The following ARHGAP45 variants were observed in gnomAD, a reference collection of about 807,000 sequenced individuals.
The protein encoded by ARHGAP45 is Rho GTPase activating protein 45, also known as rho GTPase-activating protein 45.
Under a neutral mutation model 116.1 loss-of-function variants are expected in ARHGAP45, and 56 were observed. The observed-to-expected ratio is 0.48, with a 90% CI of 0.39 to 0.60. ARHGAP45 has a LOEUF of 0.60. ARHGAP45 is among the 20% of genes least tolerant of loss of function. The probability of loss-of-function intolerance (pLI) is 0.00; values close to 1 mark genes in which losing one functional copy is unlikely to be tolerated. For synonymous variants in ARHGAP45, 866 were observed against 701.7 expected (o/e 1.23, Z -3.70); for missense variants, 1,622 against 1,601.0 (o/e 1.01, Z -0.22).
chr19:1,071,324 C>A lies in ARHGAP45; in HGVS notation c.422-1825C>A. On this transcript the variant is annotated intron_variant, in intron 2 of 22. Transcript: ENST00000313093. The surrounding 1 kb of genome is among the most constrained non-coding windows in gnomAD (Gnocchi z 4.6). ...GCGGGACGGCGCACCCGGTGCTGGA[C>A]GAGGGCCCCGTGCGCTGCCGGGCGG... is the stretch of plus-strand genomic sequence containing the variant. 2 of 1,418,180 alleles carry A rather than the reference C, an allele frequency of 1.4e-6. No individual in the cohort carries two copies. Among genetic ancestry groups the A allele is most frequent in the South Asian group, 1.4e-5 (1 of 70,644 alleles). The allele number at this position is 1,418,180 out of a possible 1,614,324, so 87.8% of individuals were successfully genotyped here.
chr19:1,066,088 C>A (rs1267333169), upstream of ARHGAP45: 2 of 1,535,596 alleles, frequency 1.3e-6, no homozygotes, highest in Admixed American at 3.9e-5. Flanking sequence ...GGACCTGGGC[C>A]TGGAGAGCCA....
At chr19:1,076,758 A>C (rs1003338512) in intron 10 of ARHGAP45, among the ~76,000 whole-genome samples, 2 of 151,746 alleles carry the variant, frequency 1.3e-5, no homozygotes, top group African/African-American at 2.4e-5. Context: ...TGTCCTTCCA[A>C]AGTGCTGGAA....
At position 1,082,978 on chromosome 19, in the gene ARHGAP45, G is replaced by C. The variant is rs34569196; in HGVS notation, c.2656G>C (p.Ala886Pro). The part of the protein sequence containing the change: ...DGSESEAVAV[A>P]LAGRLRELLR... ...CTCGGAGAGCGAGGCAGTGGCGGTG[G>C]CCCTGGCAGGTCGGCTGCGGGAGCT... Residue 886 changes from alanine (A) to proline (P), a missense_variant, in exon 20 of 23, where the codon GCC becomes CCC. Ala to Pro is a conservative substitution (Grantham distance 27, BLOSUM62 -1). Transcript: ENST00000313093. The C allele has an allele frequency of 6.0e-4, 934 of 1,555,778 alleles. 2 individuals are homozygous for C. In the African/African-American group the frequency reaches 0.011, roughly 18 times the overall value.
chr19:1,073,155 T>C lies in ARHGAP45; in HGVS notation c.428T>C (p.Leu143Pro), dbSNP rs1175140417. 6 of 1,606,422 alleles carry C rather than the reference T, an allele frequency of 3.7e-6. No homozygotes were observed. Among genetic ancestry groups the C allele is most frequent in the Non-Finnish European group, 4.2e-6 (5 of 1,179,802 alleles). ...CTCCGACTCTCCCCAGCAGACCTCC[T>C]TGAGGCCCGCCGCCCGCGGGCCCAC... ...LKECVLRDDL[L>P]EARRPRAHEC... The change falls in exon 3 of 23, where the codon CTT (leucine) becomes CCT (proline). Residue 143 changes from leucine (L) to proline (P), a missense_variant. Transcript: ENST00000313093.
rs1475145043 is a variant in ARHGAP45 at position 1,071,346 on chromosome 19, G to A, written c.422-1803G>A. On this transcript the variant is annotated intron_variant, in intron 2 of 22. Coordinates refer to ENST00000313093, the MANE Select transcript of ARHGAP45 (RefSeq NM_012292.5). This position sits in a 1 kb window ranked among gnomAD's most constrained non-coding sequence, Gnocchi z 4.6. ...GGACGAGGGCCCCGTGCGCTGCCGG[G>A]CGGGCCCCCGAGGTGAGGGGACAGG... 27 of 1,352,660 alleles carry A rather than the reference G, an allele frequency of 2.0e-5. No individual in the cohort carries two copies. The highest frequency in any genetic ancestry group is 2.5e-5 in the Non-Finnish European group (26 of 1,057,556). 83.8% of individuals were successfully genotyped at this position (1,352,660 alleles called of 1,614,324 possible). A position where few individuals can be genotyped will look rare whatever the true frequency, so the allele number is the denominator to read the frequency against.
At chr19:1,066,951 G>T (rs1337595505), upstream of ARHGAP45, among the ~76,000 whole-genome samples, 2 of 152,128 alleles carry the variant, frequency 1.3e-5, no homozygotes, top group East Asian at 3.9e-4. Context: ...GTGGAGGTCC[G>T]GGTCTCTGCG....
rs2043198107 is a variant in ARHGAP45 at position 1,074,400 on chromosome 19, T to C, written c.986T>C (p.Met329Thr). The C allele has an allele frequency of 6.4e-7, 1 of 1,566,580 alleles. No homozygotes were observed. The highest frequency in any genetic ancestry group is 8.7e-7 in the Non-Finnish European group (1 of 1,154,902). ...KIAHNCRQSVMQEPHMPLLSI... is the reference protein window; with the variant it reads ...KIAHNCRQSVTQEPHMPLLSI... The stretch of plus-strand genomic sequence containing the variant: ...GCTCACAACTGCAGACAGAGCGTCA[T>C]GCAGGAGGTGGGGGCCCCGCGGGCA... Residue 329 changes from methionine (M) to threonine (T), a missense_variant, in exon 8 of 23, where the codon ATG becomes ACG. Transcript: ENST00000313093.
At chr19:1,066,425 T>G (rs2043032632), upstream of ARHGAP45, 1 of 525,698 alleles carries the variant, frequency 1.9e-6, no homozygotes, top group Non-Finnish European at 3.4e-6. Context: ...GTCACTGGAA[T>G]GCAGCTTGGG....
chr19:1,081,204 G>A (rs938744130), intron 17 of ARHGAP45, 140 bp downstream of exon 17: 6 of 980,846 alleles, frequency 6.1e-6, no homozygotes, highest in Non-Finnish European at 7.3e-6. Flanking sequence ...GCGAACGGAG[G>A]GGGTGGGGTG....
chr19:1,081,676 G>C lies in ARHGAP45; in HGVS notation c.2317G>C (p.Gly773Arg). The C allele has an allele frequency of 3.2e-6, 5 of 1,586,482 alleles. No homozygotes were observed. Among genetic ancestry groups the C allele is most frequent in the Non-Finnish European group, 4.3e-6 (5 of 1,167,104 alleles). Reference sequence around the variant, plus strand: ...CCACGCGGCCCGCAGCGCCCCCGACGGCGTGCCCTTCATCGTCAAGAAGTG... The same window carrying C: ...CCACGCGGCCCGCAGCGCCCCCGACCGCGTGCCCTTCATCGTCAAGAAGTG... ...FSHAARSAPDGVPFIVKKCVC... is the reference protein window; with the variant it reads ...FSHAARSAPDRVPFIVKKCVC... The change falls in exon 18 of 23, where the codon GGC becomes CGC. Residue 773 changes from glycine (G) to arginine (R), a missense_variant. Around this residue, in one of 3 missense-constraint regions of ARHGAP45, gnomAD observed 1,334 missense variants for 1,263.8 expected, o/e 1.06. Coordinates refer to ENST00000313093, the MANE Select transcript of ARHGAP45 (RefSeq NM_012292.5).
Position 1,080,256 on chromosome 19 carries a change from T to A in ARHGAP45, c.1705T>A (p.Ser569Thr). 5.0e-6 allele frequency: 8 copies of A among 1,612,298 alleles called. No homozygotes were observed. The highest frequency in any genetic ancestry group is 6.8e-6 in the Non-Finnish European group (8 of 1,179,766). ...FEPHVSANAWSPVMRARKSSF... is the reference protein window; with the variant it reads ...FEPHVSANAWTPVMRARKSSF... ...CCTTTTCCCGGTTTCTTCCACTAGG[T>A]CCCCCGTCATGCGTGCCCGGAAGAG... The change falls in exon 14 of 23, where the codon TCC (serine) becomes ACC (threonine). Residue 569 changes from serine (S) to threonine (T), a missense_variant and splice_region_variant. By Grantham distance (58) the Ser-to-Thr change is moderately conservative. This residue lies in a region of ARHGAP45 where 1,334 missense variants were observed against 1,263.8 expected (regional missense o/e 1.06). Coordinates refer to ENST00000313093, the MANE Select transcript of ARHGAP45 (RefSeq NM_012292.5).
In ARHGAP45 at chr19:1,086,171, C is replaced by T. The variant is rs892122618; in HGVS notation, c.*165C>T. ...AGCGGGCGCCTCCTCCCAGAGGCTT[C>T]CAGGAGCACGAGGGCCTTGCGGCAC... On this transcript the variant is annotated 3_prime_UTR_variant, in exon 23 of 23. Transcript: ENST00000313093. The T allele has an allele frequency of 3.2e-6, 2 of 631,244 alleles. No individual in the cohort carries two copies. Among genetic ancestry groups the T allele is most frequent in the Admixed American group, 2.9e-5 (1 of 34,394 alleles). The allele number at this position is 631,244 out of a possible 1,614,324, so 39.1% of individuals were successfully genotyped here.
chr19:1,074,023 C>A lies in ARHGAP45; in HGVS notation c.790+9C>A. 1.3e-6 allele frequency: 2 copies of A among 1,597,244 alleles called. No individual in the cohort carries two copies. Among genetic ancestry groups the A allele is most frequent in the East Asian group, 2.3e-5 (1 of 43,898 alleles). ...GGAAGACTGTGACGCCGGTAAGCCC[C>A]CACCCAGCGGCAGGCAGGCATTTGA... On this transcript the variant is annotated intron_variant, in intron 6 of 22. Transcript: ENST00000313093.
chr19:1,067,736 C>CA, intron 1 of ARHGAP45: 1 of 682,312 alleles, frequency 1.5e-6, no homozygotes, highest in Middle Eastern at 2.7e-4. Flanking sequence ...CCGCGGGGCC[C>CA]AGGGAGCAGG....
chr19:1,084,799 C>T (rs552319999), intron 22 of ARHGAP45, among the ~76,000 whole-genome samples: 11 of 152,126 alleles, frequency 7.2e-5, no homozygotes, highest in Admixed American at 2.0e-4. Flanking sequence ...TAAATAAATA[C>T]CTGAGGCTGG....
chr19:1,084,397 C>A, intron 22 of ARHGAP45, 51 bp downstream of exon 22: 1 of 1,423,510 alleles, frequency 7.0e-7, no homozygotes. Context: ...CGTGTGCCAC[C>A]CATGGGCGCA....
At position 1,084,362 on chromosome 19, in the gene ARHGAP45, C is replaced by T. The variant is rs764451934; in HGVS notation, c.3064+16C>T. ...GGGTGCAGAGGTGAGTGTGTGGCTG[C>T]CCGAACGGCCCCAAGGGAGGCTGGC... On this transcript the variant is annotated intron_variant, in intron 22 of 22. Transcript: ENST00000313093. The T allele has an allele frequency of 6.3e-7, 1 of 1,590,234 alleles. No homozygotes were observed. The highest frequency in any genetic ancestry group is 8.6e-7 in the Non-Finnish European group (1 of 1,166,962).
At chr19:1,074,528 A>T in intron 8 of ARHGAP45, 86 bp from the exon 9 acceptor site, 1 of 1,407,528 alleles carries the variant, frequency 7.1e-7, no homozygotes, top group Non-Finnish European at 9.6e-7. Context: ...GGGTGGCTGC[A>T]GGGACCAGGG....
rs1555711593 is a variant in ARHGAP45, at chr19:1,085,864, A to ACGG, written c.3269_3270insCGG (p.Glu1090delinsAspGly). On this transcript the variant is annotated protein_altering_variant, in exon 23 of 23. Transcript: ENST00000313093. The stretch of plus-strand genomic sequence containing the variant: ...GCCCGGGAGGACGGGGACGGGGACG[A>ACGG]GGACGGCCCGGCCCAGCAGCTCTCA... 1,194 of 1,609,146 alleles carry ACGG rather than the reference A, an allele frequency of 7.4e-4. 6 individuals are homozygous for ACGG. In the African/African-American group the frequency reaches 0.014, roughly 20 times the overall value.
Sources: gnomAD v4.1 joint callset for allele counts (sites outside exome capture counted in the v4.1 genomes callset) on GRCh38, gnomAD v4.1.1 for gene constraint, gnomAD v4.1.1 regional missense constraint, Gnocchi (gnomAD v3.1) non-coding constraint, MANE v1.5 for transcripts, NCBI Gene and HGNC (gene_info 2026-07-23, HGNC 2026-07-21) for gene names.